DNAJC6: variants seen among roughly 807,000 people sequenced by gnomAD.
DNAJC6 encodes the protein DnaJ heat shock protein family (Hsp40) member C6.
Under a neutral mutation model 110.0 loss-of-function variants are expected in DNAJC6, and 34 were observed. That is an observed-to-expected ratio of 0.31 (90% CI 0.24 to 0.41). DNAJC6 has a LOEUF of 0.41. DNAJC6 is among the 10% of genes least tolerant of loss of function. The pLI, the probability that DNAJC6 is intolerant of heterozygous loss-of-function variation, is 1.00. For synonymous variants in DNAJC6, 406 were observed against 437.2 expected (o/e 0.93, Z 0.89); for missense variants, 1,031 against 1,207.8 (o/e 0.85, Z 2.17).
intron 4 of DNAJC6, among the ~76,000 whole-genome samples, chr1:65,375,551 G>A (rs1346410401): frequency 1.3e-5 from 2 of 151,672 alleles, no homozygotes; most frequent in African/African-American, 4.8e-5. Flanking sequence ...TCAGCCTCCC[G>A]AGTAACTCGG....
At position 65,309,666 on chromosome 1, in the gene DNAJC6, T is replaced by A; in HGVS notation, c.-80T>A. The A allele has an allele frequency of 6.8e-7, 1 of 1,461,840 alleles. No individual in the cohort carries two copies. Among genetic ancestry groups the A allele is most frequent in the Non-Finnish European group, 9.0e-7 (1 of 1,110,442 alleles). The allele number at this position is 1,461,840 out of a possible 1,614,324, so 90.6% of individuals were successfully genotyped here. ...CACTTAATTTTTTTTTTTTTTTAAT[T>A]CCTTCTTCAGCCCTTTCCACCTTCC... On this transcript the variant is annotated 5_prime_UTR_variant, in exon 1 of 19. Transcript: ENST00000371069.
Position 65,365,934 on chromosome 1 carries a change from G to A in DNAJC6, c.394G>A (p.Val132Met), listed in dbSNP as rs1645641886. 1 of 1,613,474 alleles carries A rather than the reference G, an allele frequency of 6.2e-7. No homozygotes were observed. Among genetic ancestry groups the A allele is most frequent in the Non-Finnish European group, 8.5e-7 (1 of 1,179,660 alleles). Residue 132 changes from valine (V) to methionine (M), a missense_variant and splice_region_variant, in exon 3 of 19, where the codon GTG becomes ATG. Physicochemically the swap from Val to Met is conservative, Grantham distance 21 (BLOSUM62 1). Transcript: ENST00000371069. Reference sequence around the variant, plus strand: ...CACTTATGTTACCTCCAGAATTATTGGTAAGTTTCTCATGTTTATTAACAG... The same window carrying A: ...CACTTATGTTACCTCCAGAATTATTAGTAAGTTTCTCATGTTTATTAACAG... ...DFTYVTSRII[V>M]MSFPLDNVDI...
intron 15 of DNAJC6, among the ~76,000 whole-genome samples, chr1:65,405,449 G>T (rs1460020828): frequency 6.6e-6 from 1 of 152,042 alleles, no homozygotes; most frequent in East Asian, 1.9e-4. Flanking sequence ...CTTGTCATTT[G>T]GTGGTTTTTT....
chr1:65,302,424 G>C (rs1024200191), intron 1 of DNAJC6, among the ~76,000 whole-genome samples: 1 of 148,892 alleles, frequency 6.7e-6, no homozygotes, highest in African/African-American at 2.5e-5. Context: ...GCCATAAGGG[G>C]TCCACCCTCA....
At chr1:65,377,694 T>C (rs1408713975) in intron 4 of DNAJC6, among the ~76,000 whole-genome samples, 1 of 152,108 alleles carries the variant, frequency 6.6e-6, no homozygotes, top group Non-Finnish European at 1.5e-5. Context: ...ACAGAGAAAC[T>C]CAATGTGTTT....
intron 1 of DNAJC6, among the ~76,000 whole-genome samples, chr1:65,355,882 CTTTTTTTTTTTT>C (rs372078909): frequency 2.4e-5 from 2 of 82,846 alleles, no homozygotes; most frequent in Admixed American, 1.6e-4. Context: ...AACAGCATGG[CTTTTTTTTTTTT>C]TTTTTTTTTT....
chr1:65,340,534 A>G lies in DNAJC6; in HGVS notation c.194-24101A>G, dbSNP rs184662255. ...GGGCATGAGATTTAGAGCCACACAG[A>G]TCTGGTTTGTGTTCTGACCCCAGTG... On this transcript the variant is annotated intron_variant, in intron 1 of 18. Transcript: ENST00000371069. Among the ~76,000 whole-genome samples, 3 of 152,270 alleles carry G rather than the reference A, an allele frequency of 2.0e-5. No individual in the cohort carries two copies. The East Asian group carries it at 5.8e-4, about 29-fold the overall frequency.
At chr1:65,375,685 T>A (rs1367428658) in intron 4 of DNAJC6, among the ~76,000 whole-genome samples, 2 of 151,824 alleles carry the variant, frequency 1.3e-5, no homozygotes, top group Non-Finnish European at 2.9e-5. Flanking sequence ...CTCAGCCTCC[T>A]GAAGTGCTGG....
At chr1:65,341,315 G>A (rs1432774807) in intron 1 of DNAJC6, among the ~76,000 whole-genome samples, 4 of 152,142 alleles carry the variant, frequency 2.6e-5, no homozygotes, top group African/African-American at 9.7e-5. Flanking sequence ...CCATTCTGTG[G>A]ATTTTGCAGA....
chr1:65,287,161 A>AC (rs1654048861), intron 1 of DNAJC6, among the ~76,000 whole-genome samples: 1 of 152,274 alleles, frequency 6.6e-6, no homozygotes, highest in Admixed American at 6.5e-5. Context: ...GAAGTACCAT[A>AC]TGTACTAGTC....
chr1:65,386,087 C>T (rs1645869725), intron 7 of DNAJC6, among the ~76,000 whole-genome samples, 181 bp downstream of exon 7: 2 of 152,096 alleles, frequency 1.3e-5, no homozygotes, highest in Admixed American at 1.3e-4. Flanking sequence ...GATGTTATGG[C>T]CCTTTTTCAA....
chr1:65,385,776 A>C lies in DNAJC6; in HGVS notation c.865A>C (p.Thr289Pro), dbSNP rs765954639. Residue 289 changes from threonine (T) to proline (P), a missense_variant, in exon 7 of 19, where the codon ACA becomes CCA. Thr to Pro is a conservative substitution (Grantham distance 38). Coordinates refer to ENST00000371069, the MANE Select transcript of DNAJC6 (RefSeq NM_001256864.2). ...KPYRPHFKPL[T>P]IKSITVSPIP... is the part of the protein sequence containing the mutation. ...CTACCGCCCTCACTTCAAGCCTCTC[A>C]CAATTAAGTCGATCACTGTCAGTCC... The C allele has an allele frequency of 6.2e-7, 1 of 1,613,964 alleles. No individual in the cohort carries two copies. Among genetic ancestry groups the C allele is most frequent in the Non-Finnish European group, 8.5e-7 (1 of 1,179,900 alleles).
intron 1 of DNAJC6, among the ~76,000 whole-genome samples, chr1:65,296,720 G>T (rs1467295525): frequency 6.6e-6 from 1 of 151,606 alleles, no homozygotes; most frequent in Non-Finnish European, 1.5e-5. Flanking sequence ...CTGAGTAGCT[G>T]GGATTAAAGG....
chr1:65,282,479 T>C (rs540085883), intron 1 of DNAJC6, among the ~76,000 whole-genome samples: 3 of 152,144 alleles, frequency 2.0e-5, no homozygotes, highest in Non-Finnish European at 4.4e-5. Context: ...TTTCCTCCTC[T>C]GGGTTTAGGG....
At chr1:65,335,031 C>A (rs1188769305) in intron 1 of DNAJC6, among the ~76,000 whole-genome samples, 2 of 152,040 alleles carry the variant, frequency 1.3e-5, no homozygotes, top group African/African-American at 4.8e-5. Flanking sequence ...AGTTCAGAAT[C>A]TAAGGTCAGA....
Position 65,302,216 on chromosome 1 carries a change from CAATAT to C in DNAJC6, c.-131+37291_-131+37295del, listed in dbSNP as rs934970862. On this transcript the variant is annotated intron_variant, in intron 1 of 19. Transcript: ENST00000263441. The stretch of plus-strand genomic sequence containing the variant: ...TAATATATACATTAATATATTATAT[CAATAT>C]AATATACTATTATATTGATATATTA... Among the ~76,000 whole-genome samples, 18 of 71,908 alleles carry C rather than the reference CAATAT, an allele frequency of 2.5e-4. No individual in the cohort carries two copies. In the East Asian group the frequency reaches 6.4e-3, roughly 25 times the overall value. 47.2% of individuals were successfully genotyped at this position (71,908 alleles called of 152,430 possible). A position where few individuals can be genotyped will look rare whatever the true frequency, so the allele number is the denominator to read the frequency against.
At chr1:65,269,498 TGTG>T (rs1011761237) in intron 1 of DNAJC6, among the ~76,000 whole-genome samples, 30 of 152,138 alleles carry the variant, frequency 2.0e-4, no homozygotes, top group African/African-American at 7.2e-4. Context: ...TAAAAAATAG[TGTG>T]GTGTTCATCC....
intron 1 of DNAJC6, among the ~76,000 whole-genome samples, chr1:65,351,791 G>A (rs1349803514): frequency 1.3e-5 from 2 of 152,092 alleles, no homozygotes; most frequent in Non-Finnish European, 2.9e-5. Flanking sequence ...TTAAGATGGA[G>A]TTTCGCTCTT....
intron 1 of DNAJC6, 38 bp downstream of exon 1, chr1:65,309,976 C>G: frequency 7.3e-7 from 1 of 1,362,300 alleles, no homozygotes; most frequent in South Asian, 1.8e-5. Flanking sequence ...CTGAGCCCCG[C>G]GCGGCCTCCG....
Sources: allele counts gnomAD v4.1 joint callset (sites outside exome capture counted in the v4.1 genomes callset), GRCh38; gene constraint gnomAD v4.1.1; transcripts MANE v1.5; gene names NCBI Gene and HGNC (gene_info 2026-07-23, HGNC 2026-07-21).